TMEM19: variants seen among roughly 807,000 people sequenced by gnomAD.
The protein encoded by TMEM19 is transmembrane protein 19.
A neutral mutation model predicts 33.6 loss-of-function variants in TMEM19; 21 were observed. The ratio of observed to expected loss-of-function variants is 0.62; its 90% CI spans 0.44 to 0.90. TMEM19 has a LOEUF of 0.90. Ranked by LOEUF, TMEM19 falls within the 40% of genes least tolerant of loss-of-function variation. The probability of loss-of-function intolerance (pLI) is 0.00; values close to 1 mark genes in which losing one functional copy is unlikely to be tolerated. For synonymous variants in TMEM19, 149 were observed against 147.5 expected, an observed-to-expected ratio of 1.01 and a Z score of -0.07; for missense variants, 402 against 401.8, an observed-to-expected ratio of 1.00 and a Z score of 0.00.
chr12:71,697,800 A>C (rs1185232675), intron 4 of TMEM19, among the ~76,000 whole-genome samples: 3 of 152,336 alleles, frequency 2.0e-5, no homozygotes, highest in East Asian at 3.9e-4. Flanking sequence ...TCAGTAGGGA[A>C]GGAAAAGAGA....
At chr12:71,697,164 T>A (rs1881887569) in intron 3 of TMEM19, 116 bp from the exon 4 acceptor site, 1 of 1,411,742 alleles carries the variant, frequency 7.1e-7, no homozygotes, top group Non-Finnish European at 9.4e-7. Context: ...TTACTGTTTT[T>A]AAATTTTTTT....
chr12:71,695,172 A>G (rs1039125620), intron 2 of TMEM19, among the ~76,000 whole-genome samples: 1 of 152,240 alleles, frequency 6.6e-6, no homozygotes, highest in Non-Finnish European at 1.5e-5. Context: ...GGAGTTGCCA[A>G]AAGTTCCAAG....
intron 3 of TMEM19, 68 bp from the exon 4 acceptor site, chr12:71,697,212 C>G: frequency 6.5e-7 from 1 of 1,540,826 alleles, no homozygotes; most frequent in African/African-American, 1.4e-5. Context: ...ACATAAACAC[C>G]TATAACTGCA....
Position 71,698,951 on chromosome 12 carries a change from G to C in TMEM19, c.689G>C (p.Gly230Ala). 6.2e-7 allele frequency: 1 copy of C among 1,614,108 alleles called. No homozygotes were observed. Among genetic ancestry groups the C allele is most frequent in the Non-Finnish European group, 8.5e-7 (1 of 1,180,020 alleles). ...VVGLVSSLLG[G>A]TFVGIAYFLT... is the part of the protein sequence containing the mutation. ...GGCCTTGTCTCCAGTCTCCTTGGTG[G>C]TACCTTTGTGGGCATTGCATACTTC... Residue 230 changes from glycine to alanine, a missense_variant, in exon 5 of 6, where the codon GGT becomes GCT. Transcript: ENST00000266673.
Position 71,689,714 on chromosome 12 carries a change from T to C in TMEM19, c.244+10T>C, listed in dbSNP as rs1565850595. 9.5e-6 allele frequency: 15 copies of C among 1,584,036 alleles called. No homozygotes were observed. Among genetic ancestry groups the C allele is most frequent in the Non-Finnish European group, 1.3e-5 (15 of 1,155,552 alleles). On this transcript the variant is annotated intron_variant, in intron 2 of 5. Coordinates refer to ENST00000266673, the MANE Select transcript of TMEM19 (RefSeq NM_018279.4). Reference sequence around the variant, plus strand: ...AGTGGGGCTCTAGGAGGTATGTTTTTATTTTGAATGTTTACAGTAACTACT... The same window carrying C: ...AGTGGGGCTCTAGGAGGTATGTTTTCATTTTGAATGTTTACAGTAACTACT...
Position 71,701,948 on chromosome 12 carries a change from G to C in TMEM19, c.*953G>C, listed in dbSNP as rs1881986143. ...TCTCTTACACTGTAGCCTCAACTAA[G>C]GCAATTCTGCTATGTTTGTTCTTCA... is the stretch of plus-strand genomic sequence containing the variant. On this transcript the variant is annotated 3_prime_UTR_variant, in exon 6 of 6. Coordinates refer to ENST00000266673, the MANE Select transcript of TMEM19 (RefSeq NM_018279.4). The C allele has an allele frequency of 6.6e-6, 1 of 152,178 alleles. No individual in the cohort carries two copies. The highest frequency in any genetic ancestry group is 1.5e-5 in the Non-Finnish European group (1 of 68,026). 9.4% of individuals were successfully genotyped at this position (152,178 alleles called of 1,614,324 possible). A position where few individuals can be genotyped will look rare whatever the true frequency, so the allele number is the denominator to read the frequency against.
rs1215736213 is a variant in TMEM19 at position 71,701,304 on chromosome 12, CAA to C, written c.*310_*311del. 5.3e-6 allele frequency: 1 copy of C among 188,508 alleles called. No homozygotes were observed. The highest frequency in any genetic ancestry group is 2.3e-5 in the African/African-American group (1 of 42,782). 11.7% of individuals were successfully genotyped at this position (188,508 alleles called of 1,614,324 possible). ...CTGAAAGTTCTTACATAATCAATGTCAAGTTTTGTCTTATTTTGTTTTGTTTG... is the reference window on the plus strand; with the variant it reads ...CTGAAAGTTCTTACATAATCAATGTCGTTTTGTCTTATTTTGTTTTGTTTG... On this transcript the variant is annotated 3_prime_UTR_variant, in exon 6 of 6. Transcript: ENST00000266673.
At position 71,686,540 on chromosome 12, in the gene TMEM19, T is replaced by A; in HGVS notation, c.-141T>A. ...TTTCCGGAAGGAGTTTGAATTTTTGTGATTTTTATGCTTGTTTGGTCGGTG... is the reference window on the plus strand; with the variant it reads ...TTTCCGGAAGGAGTTTGAATTTTTGAGATTTTTATGCTTGTTTGGTCGGTG... On this transcript the variant is annotated 5_prime_UTR_variant, in exon 1 of 6. It introduces an in-frame stop codon into an upstream open reading frame of the 5' UTR. Coordinates refer to ENST00000266673, the MANE Select transcript of TMEM19 (RefSeq NM_018279.4). The A allele has an allele frequency of 1.1e-6, 1 of 949,936 alleles. No homozygotes were observed. Among genetic ancestry groups the A allele is most frequent in the Non-Finnish European group, 1.5e-6 (1 of 651,670 alleles). 58.8% of individuals were successfully genotyped at this position (949,936 alleles called of 1,614,324 possible). A position where few individuals can be genotyped will look rare whatever the true frequency, so the allele number is the denominator to read the frequency against.
intron 5 of TMEM19, 34 bp downstream of exon 5, chr12:71,699,143 G>A: frequency 6.2e-7 from 1 of 1,606,110 alleles, no homozygotes; most frequent in Non-Finnish European, 8.5e-7. Flanking sequence ...CAACTTATTG[G>A]TATGTTAAAG....
In TMEM19 at chr12:71,686,747, A is replaced by T; in HGVS notation, c.67A>T (p.Ser23Cys). The part of the protein sequence containing the change: ...IKMITNIVIL[S>C]LIICISLAFW... ...GATGATAACTAATATAGTTATACTG[A>T]GCCTGATCATTTGCATTTCGTTAGC... The change falls in exon 1 of 6, where the codon AGC becomes TGC. Residue 23 changes from serine (S) to cysteine (C), a missense_variant. Ser to Cys is a moderately radical substitution (Grantham distance 112). Transcript: ENST00000266673. 6.2e-7 allele frequency: 1 copy of T among 1,612,708 alleles called. No homozygotes were observed. Among genetic ancestry groups the T allele is most frequent in the Non-Finnish European group, 8.5e-7 (1 of 1,179,384 alleles).
chr12:71,690,720 G>A (rs1881770853), intron 2 of TMEM19, among the ~76,000 whole-genome samples: 1 of 152,166 alleles, frequency 6.6e-6, no homozygotes, highest in Non-Finnish European at 1.5e-5. Context: ...CTCTACGGAG[G>A]TCATTTTGCA....
chr12:71,700,851 C>T lies in TMEM19; in HGVS notation c.867C>T (p.Gly289=), dbSNP rs1881964985. Residue 289 remains glycine, a synonymous_variant, in exon 6 of 6, where the codon GGC becomes GGT. Transcript: ENST00000266673. ...MQYTGLDEST[G]MVVNSPTNKA... ...TTCCAGGGTTGGATGAAAGCACTGGCATGGTGGTCAACAGCCCAACAAATA... is the reference window on the plus strand; with the variant it reads ...TTCCAGGGTTGGATGAAAGCACTGGTATGGTGGTCAACAGCCCAACAAATA... 2 of 1,607,220 alleles carry T rather than the reference C, an allele frequency of 1.2e-6. No individual in the cohort carries two copies. The highest frequency in any genetic ancestry group is 1.3e-5 in the African/African-American group (1 of 74,608).
chr12:71,703,827 G>A lies in TMEM19; in HGVS notation c.*2832G>A, dbSNP rs970914245. On this transcript the variant is annotated 3_prime_UTR_variant, in exon 6 of 6. Coordinates refer to ENST00000266673, the MANE Select transcript of TMEM19 (RefSeq NM_018279.4). ...GTCACCAAGCTTTGTAAATAAACTGGTTTTCATAGCTTTTTGGAGATGAGA... is the reference window on the plus strand; with the variant it reads ...GTCACCAAGCTTTGTAAATAAACTGATTTTCATAGCTTTTTGGAGATGAGA... 2 of 253,768 alleles carry A rather than the reference G, an allele frequency of 7.9e-6. No individual in the cohort carries two copies. The highest frequency in any genetic ancestry group is 1.6e-5 in the Non-Finnish European group (2 of 121,380). 15.7% of individuals were successfully genotyped at this position (253,768 alleles called of 1,614,324 possible). A position where few individuals can be genotyped will look rare whatever the true frequency, so the allele number is the denominator to read the frequency against.
chr12:71,700,753 A>T (rs1592623347), intron 5 of TMEM19, 79 bp from the exon 6 acceptor site: 21 of 1,273,854 alleles, frequency 1.6e-5, no homozygotes, highest in South Asian at 5.7e-5. Flanking sequence ...AGTATAATAA[A>T]AAAAAAAAAA....
chr12:71,699,401 C>T lies in TMEM19; in HGVS notation c.847+292C>T, dbSNP rs146941622. 6.9e-4 allele frequency: 367 copies of T among 534,582 alleles called. 2 individuals are homozygous for T. Among genetic ancestry groups the T allele is most frequent in the South Asian group, 1.3e-3 (49 of 37,580 alleles). 33.1% of individuals were successfully genotyped at this position (534,582 alleles called of 1,614,324 possible). A position where few individuals can be genotyped will look rare whatever the true frequency, so the allele number is the denominator to read the frequency against. ...ATTACCTAATCCCAGAAAAGCAAGA[C>T]GTTTGGGATCAGATCATTTTAATAC... On this transcript the variant is annotated intron_variant, in intron 5 of 5. Transcript: ENST00000266673.
Position 71,686,826 on chromosome 12 carries a change from CTAAGTT to C in TMEM19, c.130+17_130+22del. The C allele has an allele frequency of 1.3e-6, 2 of 1,586,994 alleles. No individual in the cohort carries two copies. The highest frequency in any genetic ancestry group is 1.7e-6 in the Non-Finnish European group (2 of 1,169,980). ...ACCTATTATGGTAAGTCTGAGTGTT[CTAAGTT>C]GTTTCTCTGTAATCTAGTCAGAGGA... On this transcript the variant is annotated intron_variant, in intron 1 of 5. Coordinates refer to ENST00000266673, the MANE Select transcript of TMEM19 (RefSeq NM_018279.4).
At chr12:71,696,837 C>T (rs1479262038) in intron 3 of TMEM19, among the ~76,000 whole-genome samples, 1 of 151,874 alleles carries the variant, frequency 6.6e-6, no homozygotes, top group Non-Finnish European at 1.5e-5. Flanking sequence ...TTAGTAGAGA[C>T]GGGGTTTCAC....
chr12:71,693,998 G>T (rs1214002624), intron 2 of TMEM19, among the ~76,000 whole-genome samples: 1 of 152,116 alleles, frequency 6.6e-6, no homozygotes, highest in Non-Finnish European at 1.5e-5. Flanking sequence ...TATTAGCAGC[G>T]TGACAGCAGA....
chr12:71,695,010 C>T (rs903884336), intron 2 of TMEM19, among the ~76,000 whole-genome samples: 1 of 152,168 alleles, frequency 6.6e-6, no homozygotes, highest in African/African-American at 2.4e-5. Flanking sequence ...ACAAGGCAAC[C>T]ATAGTCCTCA....
Sources: allele counts gnomAD v4.1 joint callset (sites outside exome capture counted in the v4.1 genomes callset), GRCh38; gene constraint gnomAD v4.1.1; transcripts MANE v1.5; gene names NCBI Gene and HGNC (gene_info 2026-07-23, HGNC 2026-07-21).